PMS1: variants seen among roughly 807,000 people sequenced by gnomAD.
PMS1 encodes the protein PMS1 protein homolog 1.
Under a neutral mutation model 93.1 loss-of-function variants are expected in PMS1, and 79 were observed. The ratio of observed to expected loss-of-function variants is 0.85; its 90% CI spans 0.71 to 1.02. The LOEUF (loss-of-function observed/expected upper bound fraction) is 1.02. PMS1 is among the 50% of genes least tolerant of loss of function. The pLI is 0.00. For synonymous variants in PMS1, 335 were observed against 363.4 expected (o/e 0.92, Z 0.89); for missense variants, 1,064 against 1,085.3 (o/e 0.98, Z 0.28).
At position 189,791,942 on chromosome 2, in the gene PMS1, G is replaced by A; in HGVS notation, c.132+1G>A. The A allele has an allele frequency of 6.2e-7, 1 of 1,613,820 alleles. No homozygotes were observed. The highest frequency in any genetic ancestry group is 8.5e-7 in the Non-Finnish European group (1 of 1,179,766). ...TGCCACAAGCGTAGATGTTAAACTG[G>A]TGAGTGTCCTTGAGAACCCAAATAC... is the stretch of plus-strand genomic sequence containing the variant. On this transcript the variant is annotated splice_donor_variant, in intron 2 of 12. Transcript: ENST00000441310. LOFTEE classifies it high-confidence loss of function.
chr2:189,868,696 T>A (rs1353497629), intron 11 of PMS1, among the ~76,000 whole-genome samples: 1 of 152,238 alleles, frequency 6.6e-6, no homozygotes, highest in Non-Finnish European at 1.5e-5. Context: ...TTGAAGATTT[T>A]TAAAGGAATG....
At chr2:189,858,780 G>T (rs1238728451) in intron 9 of PMS1, among the ~76,000 whole-genome samples, 7 of 152,098 alleles carry the variant, frequency 4.6e-5, no homozygotes. Context: ...CTTTAAAATT[G>T]TGAATATAGC....
At chr2:189,800,692 AAACT>A in intron 3 of PMS1, among the ~76,000 whole-genome samples, 2 of 152,354 alleles carry the variant, frequency 1.3e-5, no homozygotes, top group East Asian at 3.9e-4. Context: ...TTTATCTACC[AAACT>A]AACTGATGCA....
intron 11 of PMS1, among the ~76,000 whole-genome samples, chr2:189,869,390 G>A (rs2056939968): frequency 6.6e-6 from 1 of 152,148 alleles, no homozygotes; most frequent in South Asian, 2.1e-4. Context: ...CAGGGTCCCT[G>A]GCATCTTAAA....
intron 4 of PMS1, chr2:189,806,586 CAG>C (rs1256236657): frequency 5.0e-6 from 1 of 198,146 alleles, no homozygotes; most frequent in African/African-American, 2.3e-5. Flanking sequence ...TTAGTAGAGA[CAG>C]GGTTTTGCTG....
At chr2:189,828,009 C>T (rs938980734) in intron 5 of PMS1, among the ~76,000 whole-genome samples, 1 of 150,750 alleles carries the variant, frequency 6.6e-6, no homozygotes. Flanking sequence ...CTGCAAGCTC[C>T]GCCTCCCGGG....
intron 4 of PMS1, among the ~76,000 whole-genome samples, chr2:189,809,392 G>A (rs1229337369): frequency 6.7e-6 from 1 of 148,278 alleles, no homozygotes; most frequent in Non-Finnish European, 1.5e-5. Context: ...AGTATAATGG[G>A]GCCTCCTCCC....
Position 189,854,851 on chromosome 2 carries a change from AAAGT to A in PMS1, c.1586_1589del (p.Ser529IlefsTer10), listed in dbSNP as rs1407073085. The stretch of plus-strand genomic sequence containing the variant: ...AGTGCCTGAAAAAAGTTTACCATGT[AAAGT>A]AAGTAATAATAATTATCCAATCCCT... On this transcript the variant is annotated frameshift_variant, in exon 9 of 13. Coordinates refer to ENST00000441310, the MANE Select transcript of PMS1 (RefSeq NM_000534.5). LOFTEE classifies it high-confidence loss of function. 2.5e-6 allele frequency: 4 copies of A among 1,610,306 alleles called. No homozygotes were observed. The highest frequency in any genetic ancestry group is 1.7e-5 in the Admixed American group (1 of 59,986).
intron 5 of PMS1, among the ~76,000 whole-genome samples, chr2:189,828,941 A>G (rs1239077780): frequency 2.0e-5 from 3 of 151,920 alleles, no homozygotes; most frequent in African/African-American, 7.3e-5. Context: ...TTACATCTGA[A>G]AAGACCACTG....
At chr2:189,866,093 GA>G (rs2056634446) in intron 10 of PMS1, among the ~76,000 whole-genome samples, 1 of 152,166 alleles carries the variant, frequency 6.6e-6, no homozygotes, top group Non-Finnish European at 1.5e-5. Flanking sequence ...GGAACAATTA[GA>G]AAATAGTGTC....
chr2:189,808,980 C>CT lies in PMS1; in HGVS notation c.418+3230dup, dbSNP rs561769716. 1.8e-4 allele frequency among the ~76,000 whole-genome samples: 27 copies of CT among 152,228 alleles called. 1 individual carries two copies. The East Asian group carries it at 4.6e-3, about 26-fold the overall frequency. On this transcript the variant is annotated intron_variant, in intron 4 of 12. Transcript: ENST00000441310. The stretch of plus-strand genomic sequence containing the variant: ...ATTGATTTACCCTCCTAGTCAGATT[C>CT]TTTTAAGATCTTCCAGTACTTCTGC...
At chr2:189,796,080 C>T (rs533342033) in intron 3 of PMS1, 129 bp downstream of exon 3, 26 of 764,880 alleles carry the variant, frequency 3.4e-5, no homozygotes, top group Admixed American at 8.5e-5. Flanking sequence ...TAACATAAGC[C>T]GGGCGAGGTG....
intron 9 of PMS1, among the ~76,000 whole-genome samples, chr2:189,861,841 TC>T (rs150332093): frequency 0.11 from 17,208 of 152,054 alleles, 1,211 homozygotes; most frequent in Middle Eastern, 0.18. Context: ...ACTGTTTTTT[TC>T]CTCTTTATTT....
chr2:189,811,946 G>C (rs2050882786), intron 4 of PMS1, among the ~76,000 whole-genome samples: 1 of 152,172 alleles, frequency 6.6e-6, no homozygotes, highest in South Asian at 2.1e-4. Flanking sequence ...AATGACAGCT[G>C]ACTTCCCATT....
intron 10 of PMS1, among the ~76,000 whole-genome samples, chr2:189,866,268 G>A (rs888430275): frequency 6.6e-6 from 1 of 151,798 alleles, no homozygotes; most frequent in Admixed American, 6.6e-5. Flanking sequence ...TCAAATGATA[G>A]GTTTTTAAAA....
Position 189,854,311 on chromosome 2 carries a change from GAAAATAAT to G in PMS1, c.1044_1051del (p.Asn349ArgfsTer6), listed in dbSNP as rs1294897241. 1 of 1,592,660 alleles carries G rather than the reference GAAAATAAT, an allele frequency of 6.3e-7. No individual in the cohort carries two copies. Among genetic ancestry groups the G allele is most frequent in the South Asian group, 1.2e-5 (1 of 86,726 alleles). On this transcript the variant is annotated frameshift_variant, in exon 9 of 13. Transcript: ENST00000441310. LOFTEE classifies it high-confidence loss of function. Reference sequence around the variant, plus strand: ...ACCATTACCTAGTACAAATTCTTATGAAAATAATAAAACAGATGTTTCCGCAGCTGACA... The same window carrying G: ...ACCATTACCTAGTACAAATTCTTATGAAAACAGATGTTTCCGCAGCTGACA...
chr2:189,821,327 C>T (rs1421067670), intron 5 of PMS1, among the ~76,000 whole-genome samples: 2 of 151,624 alleles, frequency 1.3e-5, no homozygotes, highest in Non-Finnish European at 2.9e-5. Context: ...TGGTGGCATG[C>T]GCCTGTAGTC....
intron 4 of PMS1, among the ~76,000 whole-genome samples, chr2:189,814,384 C>G (rs1011650173): frequency 6.6e-6 from 1 of 151,906 alleles, no homozygotes; most frequent in South Asian, 2.1e-4. Flanking sequence ...AGAAAAACAT[C>G]AAGTGTGAGC....
At chr2:189,786,486 A>G (rs1210644461) in intron 1 of PMS1, among the ~76,000 whole-genome samples, 1 of 152,148 alleles carries the variant, frequency 6.6e-6, no homozygotes, top group African/African-American at 2.4e-5. Flanking sequence ...AGCGAGTAGA[A>G]TTTCTAGGAT....
Sources: allele counts gnomAD v4.1 joint callset (sites outside exome capture counted in the v4.1 genomes callset), GRCh38; gene constraint gnomAD v4.1.1; transcripts MANE v1.5; gene names NCBI Gene and HGNC (gene_info 2026-07-23, HGNC 2026-07-21).